Variants in FHIT observed in about 807,000 individuals in gnomAD.
The protein encoded by FHIT is bis(5'-adenosyl)-triphosphatase.
A neutral mutation model predicts 17.9 loss-of-function variants in FHIT; 19 were observed. The observed-to-expected ratio is 1.06, with a 90% CI of 0.74 to 1.56. The LOEUF is 1.56. Among genes scored for constraint, FHIT ranks in the 40% most tolerant of loss-of-function variants. FHIT has a pLI of 0.00. For synonymous variants in FHIT, 81 were observed against 69.7 expected, an observed-to-expected ratio of 1.16 and a Z score of -0.81; for missense variants, 248 against 189.2, an observed-to-expected ratio of 1.31 and a Z score of -1.82.
At chr3:60,977,601 G>C (rs1252812807) in intron 3 of FHIT, among the ~76,000 whole-genome samples, 1 of 152,186 alleles carries the variant, frequency 6.6e-6, no homozygotes, top group Non-Finnish European at 1.5e-5. Context: ...GCTGGGTGCG[G>C]TGGTTCACGC....
chr3:60,192,250 CA>C lies in FHIT; in HGVS notation c.104-178099del, dbSNP rs71089591. Among the ~76,000 whole-genome samples the C allele has an allele frequency of 2.9e-3, 347 of 121,542 alleles. 1 individual carries two copies. Among genetic ancestry groups the C allele is most frequent in the African/African-American group, 8.9e-3 (276 of 31,116 alleles). 79.7% of individuals were successfully genotyped at this position (121,542 alleles called of 152,430 possible). On this transcript the variant is annotated intron_variant, in intron 5 of 9. Transcript: ENST00000492590. ...TGGGCAACAGAGCAACACTATGTCT[CA>C]AAAAAAAAAAAAAAAAAGTTAAAGG...
chr3:60,996,634 C>T lies in FHIT; in HGVS notation c.-111+45413G>A, dbSNP rs142990476. On this transcript the variant is annotated intron_variant, in intron 3 of 9. Coordinates refer to ENST00000492590, the MANE Select transcript of FHIT (RefSeq NM_002012.4). ...TTTTAGAATTACGTGTTTGAATCCA[C>T]GACCACATACTCACATACATATAAT... Among the ~76,000 whole-genome samples, 46 of 152,286 alleles carry T rather than the reference C, an allele frequency of 3.0e-4. No individual in the cohort carries two copies. In the East Asian group the frequency reaches 5.0e-3, roughly 17 times the overall value.
intron 3 of FHIT, among the ~76,000 whole-genome samples, chr3:60,933,834 A>G (rs556441962): frequency 6.6e-6 from 1 of 152,078 alleles, no homozygotes; most frequent in South Asian, 2.1e-4. Context: ...ATAGCTACCT[A>G]TCTTCAGCCC....
At chr3:60,864,410 T>C (rs1176351499) in intron 3 of FHIT, among the ~76,000 whole-genome samples, 2 of 152,058 alleles carry the variant, frequency 1.3e-5, no homozygotes, top group Non-Finnish European at 2.9e-5. Context: ...GAGCCCATGG[T>C]TTTAAACACT....
At chr3:60,288,150 A>C (rs1707816623) in intron 5 of FHIT, among the ~76,000 whole-genome samples, 1 of 152,150 alleles carries the variant, frequency 6.6e-6, no homozygotes, top group African/African-American at 2.4e-5. Context: ...TGTTGGAAAG[A>C]AACTTTATTC....
At chr3:60,181,369 C>T (rs1701928410) in intron 5 of FHIT, among the ~76,000 whole-genome samples, 1 of 152,116 alleles carries the variant, frequency 6.6e-6, no homozygotes, top group Non-Finnish European at 1.5e-5. Context: ...TGGTCTCGAA[C>T]TCCTGACCTC....
At chr3:60,406,703 A>G (rs1482038802) in intron 5 of FHIT, among the ~76,000 whole-genome samples, 1 of 151,914 alleles carries the variant, frequency 6.6e-6, no homozygotes, top group Non-Finnish European at 1.5e-5. Flanking sequence ...GGGGTGGGGT[A>G]TACACCTGAC....
At chr3:60,424,746 A>G (rs1702601780) in intron 5 of FHIT, among the ~76,000 whole-genome samples, 1 of 152,196 alleles carries the variant, frequency 6.6e-6, no homozygotes, top group Non-Finnish European at 1.5e-5. Context: ...GAAGAAGAAC[A>G]TAGAAGAGCA....
chr3:61,207,776 G>C (rs1201130268), intron 1 of FHIT, among the ~76,000 whole-genome samples: 1 of 152,048 alleles, frequency 6.6e-6, no homozygotes, highest in African/African-American at 2.4e-5. Flanking sequence ...CCAGCTCCTG[G>C]ATTCATTAAT....
intron 8 of FHIT, among the ~76,000 whole-genome samples, chr3:59,913,992 C>T (rs1160724017): frequency 6.6e-6 from 1 of 152,120 alleles, no homozygotes; most frequent in Non-Finnish European, 1.5e-5. Flanking sequence ...TGCCAGTAAG[C>T]TGAAGCAGTT....
chr3:60,604,641 T>C (rs922781662), intron 4 of FHIT, among the ~76,000 whole-genome samples: 2 of 152,130 alleles, frequency 1.3e-5, no homozygotes, highest in African/African-American at 2.4e-5. Context: ...TCTATTCCAC[T>C]CATCAGCTCC....
intron 4 of FHIT, among the ~76,000 whole-genome samples, chr3:60,764,247 G>GCA (rs58044669): frequency 0.024 from 3,608 of 149,810 alleles, 116 homozygotes; most frequent in African/African-American, 0.07. Context: ...GTAGGAAAAT[G>GCA]CACACACACA....
intron 8 of FHIT, among the ~76,000 whole-genome samples, chr3:59,913,991 G>C (rs756318940): frequency 1.3e-5 from 2 of 152,160 alleles, no homozygotes; most frequent in Non-Finnish European, 2.9e-5. Context: ...TTGCCAGTAA[G>C]CTGAAGCAGT....
chr3:60,572,306 T>C (rs1418835323), intron 4 of FHIT, among the ~76,000 whole-genome samples: 1 of 151,200 alleles, frequency 6.6e-6, no homozygotes, highest in Non-Finnish European at 1.5e-5. Flanking sequence ...TTCTAAATAT[T>C]TGAATGTTCA....
intron 4 of FHIT, among the ~76,000 whole-genome samples, chr3:60,737,259 T>C (rs1220456679): frequency 3.3e-5 from 5 of 152,216 alleles, no homozygotes; most frequent in African/African-American, 1.2e-4. Context: ...TAAACTGCAT[T>C]GTCCAAAACA....
At chr3:60,963,064 T>A (rs1472412046) in intron 3 of FHIT, among the ~76,000 whole-genome samples, 1 of 152,226 alleles carries the variant, frequency 6.6e-6, no homozygotes, top group Non-Finnish European at 1.5e-5. Flanking sequence ...GGTCCTGGAC[T>A]TTTTTTGGTT....
At chr3:60,716,359 A>G (rs943521073) in intron 4 of FHIT, among the ~76,000 whole-genome samples, 6 of 152,070 alleles carry the variant, frequency 3.9e-5, no homozygotes, top group African/African-American at 1.4e-4. Context: ...TCCTTTTTCT[A>G]TAAGCTTTTT....
rs181746882 is a variant in FHIT at position 61,087,798 on chromosome 3, C to A, written c.-163-45699G>T. Among the ~76,000 whole-genome samples, 237 of 152,238 alleles carry A rather than the reference C, an allele frequency of 1.6e-3. 2 individuals carry two copies. Among genetic ancestry groups the A allele is most frequent in the African/African-American group, 5.2e-3 (217 of 41,556 alleles). ...GGTAGATTTGGTAGAGACTTCATTT[C>A]TTTGATTTCTGTACTAGGTAAGTTT... On this transcript the variant is annotated intron_variant, in intron 2 of 9. Transcript: ENST00000492590.
chr3:60,309,195 G>A (rs967095778), intron 5 of FHIT, among the ~76,000 whole-genome samples: 5 of 152,040 alleles, frequency 3.3e-5, no homozygotes, highest in Admixed American at 1.3e-4. Flanking sequence ...GGAAGGTTTG[G>A]AACCATTTAT....
Sources: gnomAD v4.1 joint callset for allele counts (sites outside exome capture counted in the v4.1 genomes callset) on GRCh38, gnomAD v4.1.1 for gene constraint, MANE v1.5 for transcripts, NCBI Gene and HGNC (gene_info 2026-07-23, HGNC 2026-07-21) for gene names.